Variants in APOLD1 observed in about 807,000 individuals in gnomAD.
The protein encoded by APOLD1 is apolipoprotein L domain-containing protein 1.
Under a neutral mutation model 15.3 loss-of-function variants are expected in APOLD1, and 22 were observed. The ratio of observed to expected loss-of-function variants is 1.44; its 90% CI spans 1.03 to 2.05. The LOEUF (loss-of-function observed/expected upper bound fraction) is 2.05, where lower values mean the gene tolerates loss of function less well. APOLD1 is among the 30% of genes most tolerant of loss of function. The pLI is 0.00. For missense variants in APOLD1, 394 were observed against 353.5 expected (o/e 1.11, Z -0.92); for synonymous variants, 190 against 167.4 (o/e 1.13, Z -1.04).
intron 1 of APOLD1, among the ~76,000 whole-genome samples, chr12:12,761,998 C>T (rs1303468359): frequency 1.3e-5 from 2 of 151,892 alleles, no homozygotes; most frequent in Non-Finnish European, 2.9e-5. Context: ...ACCACCATGC[C>T]TGGCTAATTT....
At chr12:12,752,716 A>G (rs1269444118) in intron 1 of APOLD1, among the ~76,000 whole-genome samples, 1 of 152,244 alleles carries the variant, frequency 6.6e-6, no homozygotes. Flanking sequence ...GGTAAGCCAC[A>G]GTTAAAACTA....
In APOLD1 at chr12:12,787,452, C is replaced by T. The variant is rs957683164; in HGVS notation, c.547C>T (p.Arg183Trp). ...FGSRGFLIPRRAEGDTKVSQA... is the reference protein window; with the variant it reads ...FGSRGFLIPRWAEGDTKVSQA... ...CTCACGTGGCTTCCTCATCCCCAGGCGGGCGGAGGGGGACACCAAGGTTAG... is the reference window on the plus strand; with the variant it reads ...CTCACGTGGCTTCCTCATCCCCAGGTGGGCGGAGGGGGACACCAAGGTTAG... The change falls in exon 2 of 2, where the codon CGG becomes TGG. Residue 183 changes from arginine (R) to tryptophan (W), a missense_variant. Coordinates refer to ENST00000356591, the MANE Select transcript of APOLD1 (RefSeq NM_030817.3). The surrounding 1 kb of genome is among the most constrained non-coding windows in gnomAD (Gnocchi z 4.9). The T allele has an allele frequency of 4.3e-6, 7 of 1,614,054 alleles. No individual in the cohort carries two copies. In the African/African-American group the frequency reaches 8.0e-5, roughly 18 times the overall value.
chr12:12,767,384 A>G (rs1299086670), intron 1 of APOLD1, among the ~76,000 whole-genome samples: 1 of 151,678 alleles, frequency 6.6e-6, no homozygotes, highest in Non-Finnish European at 1.5e-5. Flanking sequence ...AAAATTGGCC[A>G]GGTGCGGTGG....
At chr12:12,767,981 T>G (rs1946954150) in intron 1 of APOLD1, among the ~76,000 whole-genome samples, 1 of 152,040 alleles carries the variant, frequency 6.6e-6, no homozygotes, top group South Asian at 2.1e-4. Flanking sequence ...AGACGGGGGT[T>G]TCACCATATT....
Position 12,786,979 on chromosome 12 carries a change from T to A in APOLD1, c.74T>A (p.Leu25Gln). ...DALRRFQGLL[L>Q]DRRGRLHGQV... Reference sequence around the variant, plus strand: ...CTGCGGCGCTTCCAGGGACTGCTGCTGGACCGCCGAGGCCGGCTGCACGGC... The same window carrying A: ...CTGCGGCGCTTCCAGGGACTGCTGCAGGACCGCCGAGGCCGGCTGCACGGC... The change falls in exon 2 of 2, where the codon CTG becomes CAG. Residue 25 changes from leucine (L) to glutamine (Q), a missense_variant. Coordinates refer to ENST00000356591, the MANE Select transcript of APOLD1 (RefSeq NM_030817.3). 7.0e-7 allele frequency: 1 copy of A among 1,435,686 alleles called. No individual in the cohort carries two copies. The allele number at this position is 1,435,686 out of a possible 1,614,324, so 88.9% of individuals were successfully genotyped here. A position where few individuals can be genotyped will look rare whatever the true frequency, so the allele number is the denominator to read the frequency against.
intron 1 of APOLD1, among the ~76,000 whole-genome samples, chr12:12,727,617 T>C (rs1165263801): frequency 6.6e-6 from 1 of 152,098 alleles, no homozygotes; most frequent in Non-Finnish European, 1.5e-5. Context: ...TTCTTATTTT[T>C]TTTAAAAGAT....
At chr12:12,778,827 C>G (rs1050736021) in intron 1 of APOLD1, among the ~76,000 whole-genome samples, 4 of 152,204 alleles carry the variant, frequency 2.6e-5, no homozygotes, top group Non-Finnish European at 5.9e-5. Context: ...ACTTCAATAA[C>G]CTTCTAACTG....
At chr12:12,749,522 A>G (rs769672045) in intron 1 of APOLD1, among the ~76,000 whole-genome samples, 60 of 152,202 alleles carry the variant, frequency 3.9e-4, no homozygotes, top group Non-Finnish European at 6.6e-4. Context: ...TAGTTTCCAT[A>G]GAAGTGCAAC....
intron 1 of APOLD1, among the ~76,000 whole-genome samples, chr12:12,777,889 G>GTTTTTTTTTTTTTTTTTTT (rs71436735): frequency 2.6e-5 from 3 of 117,140 alleles, no homozygotes; most frequent in South Asian, 2.9e-4. Flanking sequence ...AAGGAAAGGT[G>GTTTTTTTTTTTTTTTTTTT]TTTTTTTTTT....
intron 1 of APOLD1, among the ~76,000 whole-genome samples, chr12:12,726,530 C>T (rs914696149): frequency 6.6e-6 from 1 of 152,134 alleles, no homozygotes; most frequent in Non-Finnish European, 1.5e-5. Context: ...TTCTCTCAGT[C>T]CCTATGTCCG....
intron 1 of APOLD1, among the ~76,000 whole-genome samples, chr12:12,734,374 G>A (rs2136369576): frequency 6.6e-6 from 1 of 152,352 alleles, no homozygotes; most frequent in Non-Finnish European, 1.5e-5. Flanking sequence ...TACATTTCAA[G>A]TTAGCCGACT....
Position 12,787,152 on chromosome 12 carries a change from A to G in APOLD1, c.247A>G (p.Thr83Ala). Residue 83 changes from threonine (T) to alanine (A), a missense_variant, in exon 2 of 2, where the codon ACC (threonine) becomes GCC (alanine). Transcript: ENST00000356591. This position sits in a 1 kb window ranked among gnomAD's most constrained non-coding sequence, Gnocchi z 4.9. The part of the protein sequence containing the change: ...GLSLSPVTLG[T>A]SLLVSAVGLG... ...CTCGCTCAGCCCGGTCACCCTGGGG[A>G]CCTCGCTGCTGGTGTCGGCCGTGGG... 6.6e-7 allele frequency: 1 copy of G among 1,513,694 alleles called. No individual in the cohort carries two copies. The highest frequency in any genetic ancestry group is 1.3e-5 in the South Asian group (1 of 77,806). 93.8% of individuals were successfully genotyped at this position (1,513,694 alleles called of 1,614,324 possible). A position where few individuals can be genotyped will look rare whatever the true frequency, so the allele number is the denominator to read the frequency against.
At chr12:12,726,400 G>T in intron 1 of APOLD1, 1 of 464,516 alleles carries the variant, frequency 2.2e-6, no homozygotes, top group South Asian at 1.9e-5. Flanking sequence ...GATAAAGCGT[G>T]TGTACGTTAA....
intron 1 of APOLD1, among the ~76,000 whole-genome samples, chr12:12,764,498 A>G (rs1327434803): frequency 1.3e-5 from 2 of 152,256 alleles, no homozygotes; most frequent in Non-Finnish European, 2.9e-5. Flanking sequence ...CATCAGCATT[A>G]TGTAAGAACA....
intron 1 of APOLD1, among the ~76,000 whole-genome samples, chr12:12,772,306 A>C (rs1357493494): frequency 6.6e-6 from 1 of 152,244 alleles, no homozygotes; most frequent in Non-Finnish European, 1.5e-5. Context: ...ACACCCTGAC[A>C]ACACTAATCA....
chr12:12,773,867 G>A (rs1470593046), intron 1 of APOLD1, among the ~76,000 whole-genome samples: 2 of 152,144 alleles, frequency 1.3e-5, no homozygotes, highest in African/African-American at 4.8e-5. Flanking sequence ...AACAAATGGT[G>A]CTGGAAACCT....
intron 1 of APOLD1, among the ~76,000 whole-genome samples, chr12:12,754,171 C>G (rs373237225): frequency 5.2e-4 from 62 of 118,478 alleles, no homozygotes; most frequent in African/African-American, 1.8e-3. Flanking sequence ...CCACTGCACT[C>G]CAGCATGGGC....
chr12:12,781,162 G>T (rs1947076566), upstream of APOLD1, among the ~76,000 whole-genome samples: 1 of 152,084 alleles, frequency 6.6e-6, no homozygotes, highest in Middle Eastern at 3.2e-3. Flanking sequence ...CAACTGAGAG[G>T]CTAGGCACTG....
intron 1 of APOLD1, among the ~76,000 whole-genome samples, chr12:12,732,503 T>A (rs937935003): frequency 6.6e-6 from 1 of 152,060 alleles, no homozygotes; most frequent in Admixed American, 6.6e-5. Flanking sequence ...GGCGAGAGGA[T>A]CACTTGAGGT....
Sources: allele counts gnomAD v4.1 joint callset (sites outside exome capture counted in the v4.1 genomes callset), GRCh38; gene constraint gnomAD v4.1.1; non-coding constraint Gnocchi (gnomAD v3.1); transcripts MANE v1.5; gene names NCBI Gene and HGNC (gene_info 2026-07-23, HGNC 2026-07-21).